Variants in DYNC2H1 observed in about 807,000 individuals in gnomAD.
The protein encoded by DYNC2H1 is cytoplasmic dynein 2 heavy chain 1.
DYNC2H1 carries 410 observed loss-of-function variants against 570.0 expected under a neutral mutation model. The ratio of observed to expected loss-of-function variants is 0.72; its 90% CI spans 0.66 to 0.78. The LOEUF (loss-of-function observed/expected upper bound fraction) is 0.78, where lower values mean the gene tolerates loss of function less well. Ranked by LOEUF, DYNC2H1 falls within the 30% of genes least tolerant of loss-of-function variation. DYNC2H1 has a pLI of 0.00. For synonymous variants in DYNC2H1, 1,688 were observed against 1,677.6 expected, an observed-to-expected ratio of 1.01 and a Z score of -0.15; for missense variants, 4,865 against 5,046.4, an observed-to-expected ratio of 0.96 and a Z score of 1.09.
At chr11:103,415,306 C>A (rs1005423479) in intron 84 of DYNC2H1, among the ~76,000 whole-genome samples, 1 of 152,120 alleles carries the variant, frequency 6.6e-6, no homozygotes, top group Non-Finnish European at 1.5e-5. Context: ...CAACAAAAGC[C>A]AAAATTGACA....
intron 84 of DYNC2H1, among the ~76,000 whole-genome samples, chr11:103,431,108 G>A (rs1943874416): frequency 6.6e-6 from 1 of 151,132 alleles, no homozygotes; most frequent in African/African-American, 2.4e-5. Context: ...GAACACCCTG[G>A]TTACAGCCGG....
intron 10 of DYNC2H1, 50 bp from the exon 11 acceptor site, chr11:103,122,775 A>T (rs754474246): frequency 9.7e-6 from 15 of 1,539,084 alleles, no homozygotes; most frequent in Admixed American, 5.6e-5. Flanking sequence ...CTTTATGCTA[A>T]TTTTTTTGGA....
chr11:103,223,149 A>G (rs1401409315), intron 59 of DYNC2H1, 63 bp downstream of exon 59: 2 of 1,387,268 alleles, frequency 1.4e-6, no homozygotes, highest in Non-Finnish European at 1.9e-6. Context: ...ATGAGGTTTT[A>G]ATAATTATTA....
chr11:103,208,537 C>A (rs1863025889), intron 52 of DYNC2H1, among the ~76,000 whole-genome samples: 1 of 152,088 alleles, frequency 6.6e-6, no homozygotes, highest in African/African-American at 2.4e-5. Context: ...CATGTGGCTG[C>A]TGCACAGGGT....
chr11:103,240,076 G>C (rs975325065), intron 63 of DYNC2H1, among the ~76,000 whole-genome samples: 2 of 151,996 alleles, frequency 1.3e-5, no homozygotes, highest in Admixed American at 1.3e-4. Flanking sequence ...ACATTTAAGG[G>C]AAAAAACTAG....
At chr11:103,447,228 T>C (rs1028693418) in intron 85 of DYNC2H1, among the ~76,000 whole-genome samples, 1 of 152,126 alleles carries the variant, frequency 6.6e-6, no homozygotes, top group Non-Finnish European at 1.5e-5. Context: ...ATTTAAAAAA[T>C]ACCAAATCTA....
At chr11:103,468,979 G>T (rs1430500206) in intron 88 of DYNC2H1, among the ~76,000 whole-genome samples, 2 of 152,150 alleles carry the variant, frequency 1.3e-5, no homozygotes, top group Non-Finnish European at 2.9e-5. Context: ...ATGATAATAA[G>T]AACTACCATG....
intron 28 of DYNC2H1, among the ~76,000 whole-genome samples, chr11:103,160,707 A>G (rs1861055072): frequency 6.6e-6 from 1 of 152,066 alleles, no homozygotes. Flanking sequence ...ATAGATATTG[A>G]TAAGAAATAT....
intron 21 of DYNC2H1, among the ~76,000 whole-genome samples, chr11:103,152,755 C>A (rs954709438): frequency 2.0e-5 from 3 of 152,070 alleles, no homozygotes; most frequent in African/African-American, 7.2e-5. Context: ...CCATCTCTAG[C>A]GTATTGTCCA....
intron 84 of DYNC2H1, among the ~76,000 whole-genome samples, chr11:103,421,108 A>G (rs1302223102): frequency 6.6e-6 from 1 of 152,250 alleles, no homozygotes; most frequent in Non-Finnish European, 1.5e-5. Flanking sequence ...CTTCAAACCA[A>G]CAAAGATTAA....
chr11:103,393,458 T>G (rs944830354), intron 83 of DYNC2H1, among the ~76,000 whole-genome samples: 1 of 152,232 alleles, frequency 6.6e-6, no homozygotes, highest in Non-Finnish European at 1.5e-5. Context: ...ATGTGCCATC[T>G]TTTCTATTAA....
Position 103,116,671 on chromosome 11 carries a change from T to C in DYNC2H1, c.723T>C (p.Asp241=). The C allele has an allele frequency of 6.2e-7, 1 of 1,607,132 alleles. No individual in the cohort carries two copies. Among genetic ancestry groups the C allele is most frequent in the Admixed American group, 1.7e-5 (1 of 59,568 alleles). Residue 241 remains aspartate, a synonymous_variant, in exon 5 of 89, where the codon GAT becomes GAC. Coordinates refer to ENST00000375735, the MANE Select transcript of DYNC2H1 (RefSeq NM_001377.3). The stretch of plus-strand genomic sequence containing the variant: ...ATGTGTGGAGACAAACAGAACATGA[T>C]CATTATCCTGAGTCACGAATGTTGC... ...VDDVWRQTEH[D]HYPESRMLHL... is the part of the protein sequence containing the mutation.
chr11:103,115,383 T>G, intron 4 of DYNC2H1, 88 bp downstream of exon 4: 1 of 782,540 alleles, frequency 1.3e-6, no homozygotes, highest in Non-Finnish European at 2.0e-6. Context: ...TGTTTTAAAA[T>G]GTACTTGATG....
At chr11:103,175,421 AC>A (rs1191665059) in intron 36 of DYNC2H1, among the ~76,000 whole-genome samples, 4 of 152,216 alleles carry the variant, frequency 2.6e-5, no homozygotes, top group Non-Finnish European at 5.9e-5. Flanking sequence ...TTTAAACCAT[AC>A]CTGTAATAAG....
chr11:103,208,510 T>A (rs1863024820), intron 52 of DYNC2H1, among the ~76,000 whole-genome samples: 2 of 152,108 alleles, frequency 1.3e-5, no homozygotes, highest in Non-Finnish European at 2.9e-5. Flanking sequence ...CATGGTGTGC[T>A]TGGGAAACAG....
Position 103,199,234 on chromosome 11 carries a change from A to T in DYNC2H1, c.7846A>T (p.Ile2616Phe), listed in dbSNP as rs1000388629. The change falls in exon 49 of 89, where the codon ATT (isoleucine) becomes TTT (phenylalanine). Residue 2616 changes from isoleucine (I) to phenylalanine (F), a missense_variant. Coordinates refer to ENST00000375735, the MANE Select transcript of DYNC2H1 (RefSeq NM_001377.3). The surrounding 1 kb of genome is among the most constrained non-coding windows in gnomAD (Gnocchi z 4.6). ...ATTCTGATTTTTTTAAAAGGGTCTT[A>T]TTCATTATGGACGAGATAACCAGAA... Reference protein sequence around the residue: ...DLKDVIKKGLIHYGRDNQNLD... With the variant: ...DLKDVIKKGLFHYGRDNQNLD... The T allele has an allele frequency of 1.9e-6, 3 of 1,561,190 alleles. No individual in the cohort carries two copies. The highest frequency in any genetic ancestry group is 2.6e-6 in the Non-Finnish European group (3 of 1,148,712).
intron 61 of DYNC2H1, 91 bp from the exon 62 acceptor site, chr11:103,235,581 C>T: frequency 1.2e-5 from 14 of 1,207,108 alleles, no homozygotes; most frequent in East Asian, 7.9e-5. Flanking sequence ...TGTGATTTTC[C>T]CCCTCACAGT....
At chr11:103,114,945 G>A (rs977244946) in intron 3 of DYNC2H1, among the ~76,000 whole-genome samples, 4 of 151,934 alleles carry the variant, frequency 2.6e-5, no homozygotes, top group Non-Finnish European at 5.9e-5. Flanking sequence ...TTTAAACAGC[G>A]AATCACTAAC....
chr11:103,314,968 GT>G (rs1293390394), intron 79 of DYNC2H1, among the ~76,000 whole-genome samples: 1 of 152,046 alleles, frequency 6.6e-6, no homozygotes, highest in East Asian at 1.9e-4. Flanking sequence ...TTGTTAGAAA[GT>G]TTAGATAAAT....
Sources: gnomAD v4.1 joint callset for allele counts (sites outside exome capture counted in the v4.1 genomes callset) on GRCh38, gnomAD v4.1.1 for gene constraint, Gnocchi (gnomAD v3.1) non-coding constraint, MANE v1.5 for transcripts, NCBI Gene and HGNC (gene_info 2026-07-23, HGNC 2026-07-21) for gene names.